LYPLA1: variants seen among roughly 807,000 people sequenced by gnomAD.
The protein encoded by LYPLA1 is lysophospholipase 1.
In LYPLA1, 17 loss-of-function variants were observed where a neutral mutation model predicts 34.0. The observed-to-expected ratio is 0.50, with a 90% confidence interval of 0.34 to 0.75. The LOEUF is 0.75. Among genes scored for constraint, LYPLA1 ranks in the 30% least tolerant of loss-of-function variants. The probability of loss-of-function intolerance (pLI) is 0.01; values close to 1 mark genes in which losing one functional copy is unlikely to be tolerated. For missense variants in LYPLA1, 203 were observed against 288.8 expected, an observed-to-expected ratio of 0.70 and a Z score of 2.15; for synonymous variants, 98 against 100.8, an observed-to-expected ratio of 0.97 and a Z score of 0.17.
intron 2 of LYPLA1, among the ~76,000 whole-genome samples, chr8:54,068,330 G>A (rs1324044528): frequency 6.6e-6 from 1 of 152,064 alleles, no homozygotes; most frequent in Non-Finnish European, 1.5e-5. Flanking sequence ...ATCTTTAACA[G>A]AATACCACCT....
intron 2 of LYPLA1, among the ~76,000 whole-genome samples, chr8:54,097,532 CATAAT>C (rs1322826359): frequency 6.6e-6 from 1 of 152,182 alleles, no homozygotes; most frequent in African/African-American, 2.4e-5. Context: ...AGGTTGAATG[CATAAT>C]ATATTAGATA....
chr8:54,056,206 T>C (rs1312050349), intron 5 of LYPLA1, among the ~76,000 whole-genome samples: 1 of 152,104 alleles, frequency 6.6e-6, no homozygotes, highest in African/African-American at 2.4e-5. Flanking sequence ...GAAAAGACAG[T>C]CTCTTCAATA....
chr8:54,084,509 A>G (rs1389434442), intron 2 of LYPLA1, among the ~76,000 whole-genome samples: 2 of 151,172 alleles, frequency 1.3e-5, no homozygotes, highest in Non-Finnish European at 3.0e-5. Context: ...AGGCGGAGGT[A>G]GCAGTGAGTT....
intron 4 of LYPLA1, among the ~76,000 whole-genome samples, chr8:54,062,948 A>G (rs1022464330): frequency 2.0e-5 from 3 of 152,202 alleles, no homozygotes; most frequent in Admixed American, 1.3e-4. Flanking sequence ...GAATGTGAGG[A>G]TATCTTCAGA....
chr8:54,101,590 G>A (rs943482718), intron 1 of LYPLA1, 165 bp downstream of exon 1: 8 of 1,148,150 alleles, frequency 7.0e-6, no homozygotes, highest in Non-Finnish European at 8.6e-6. Context: ...GGCTGCCCCC[G>A]CCCCCCGCGG....
intron 4 of LYPLA1, among the ~76,000 whole-genome samples, chr8:54,062,569 T>C (rs1280139178): frequency 6.6e-6 from 1 of 152,120 alleles, no homozygotes; most frequent in East Asian, 1.9e-4. Flanking sequence ...TGAAGTGCAG[T>C]GGCATGATCT....
At chr8:54,079,325 G>A (rs769328419) in intron 2 of LYPLA1, among the ~76,000 whole-genome samples, 2 of 152,072 alleles carry the variant, frequency 1.3e-5, no homozygotes. Context: ...TAAACTTAAC[G>A]TGCATAGTTA....
intron 1 of LYPLA1, 80 bp downstream of exon 1, chr8:54,101,675 G>T (rs1020205385): frequency 2.6e-5 from 31 of 1,185,306 alleles, no homozygotes; most frequent in South Asian, 3.8e-5. Flanking sequence ...CCACGCGCCC[G>T]CAACGCCCAC....
intron 2 of LYPLA1, among the ~76,000 whole-genome samples, chr8:54,067,007 A>G (rs2129336787): frequency 6.6e-6 from 1 of 151,912 alleles, no homozygotes; most frequent in East Asian, 1.9e-4. Flanking sequence ...TGTCTCTACT[A>G]AAAATACAAA....
At chr8:54,059,299 G>GTTATTTTTTTT (rs1806430318) in intron 5 of LYPLA1, among the ~76,000 whole-genome samples, 1 of 112,744 alleles carries the variant, frequency 8.9e-6, no homozygotes, top group African/African-American at 4.9e-5. Flanking sequence ...TATTTTCCCT[G>GTTATTTTTTTT]TTTTTTTTTT....
intron 2 of LYPLA1, among the ~76,000 whole-genome samples, chr8:54,097,992 G>A (rs1222051560): frequency 6.6e-6 from 1 of 152,188 alleles, no homozygotes; most frequent in East Asian, 1.9e-4. Flanking sequence ...GGAGGCCAAG[G>A]CGGGCAGATC....
rs372419997 is a variant in LYPLA1, at chr8:54,092,611, C to T, written c.101+8297G>A. 3.9e-5 allele frequency among the ~76,000 whole-genome samples: 6 copies of T among 152,260 alleles called. No homozygotes were observed. The South Asian group carries it at 1.2e-3, about 32-fold the overall frequency. On this transcript the variant is annotated intron_variant, in intron 2 of 8. Transcript: ENST00000316963. ...ACAGGTTATAAAACTCTGACTCCAACCATATTAATATAAAAAGGATGGCCA... is the reference window on the plus strand; with the variant it reads ...ACAGGTTATAAAACTCTGACTCCAATCATATTAATATAAAAAGGATGGCCA...
chr8:54,099,476 G>C (rs199643929), intron 2 of LYPLA1, among the ~76,000 whole-genome samples: 3 of 152,064 alleles, frequency 2.0e-5, no homozygotes, highest in Admixed American at 6.5e-5. Context: ...TCAGGAGTTC[G>C]AGACCAGCGT....
Position 54,065,760 on chromosome 8 carries a change from A to G in LYPLA1, c.155T>C (p.Ile52Thr). ...AGIRSSHIKYICPHAPVRPVT... is the reference protein window; with the variant it reads ...AGIRSSHIKYTCPHAPVRPVT... ...CAGAAATACTCACGCATGCGGGCAG[A>G]TATATTTGATATGTGAACTTCTGAT... The change falls in exon 3 of 9, where the codon ATC becomes ACC. Residue 52 changes from isoleucine to threonine, a missense_variant. Ile to Thr is a moderately conservative substitution (Grantham distance 89, BLOSUM62 -1). Transcript: ENST00000316963. The G allele has an allele frequency of 6.2e-7, 1 of 1,613,796 alleles. No homozygotes were observed. Among genetic ancestry groups the G allele is most frequent in the Non-Finnish European group, 8.5e-7 (1 of 1,179,798 alleles).
At chr8:54,073,852 A>C (rs1441755049) in intron 2 of LYPLA1, among the ~76,000 whole-genome samples, 1 of 152,202 alleles carries the variant, frequency 6.6e-6, no homozygotes, top group African/African-American at 2.4e-5. Context: ...AATTCTACCA[A>C]AGTCTTCTTA....
At chr8:54,088,534 G>A (rs1432797907) in intron 2 of LYPLA1, among the ~76,000 whole-genome samples, 1 of 152,198 alleles carries the variant, frequency 6.6e-6, no homozygotes, top group Non-Finnish European at 1.5e-5. Context: ...AAAAAGTGCA[G>A]CTACTATGAA....
At chr8:54,082,427 T>A (rs1440075168) in intron 2 of LYPLA1, among the ~76,000 whole-genome samples, 1 of 152,194 alleles carries the variant, frequency 6.6e-6, no homozygotes, top group East Asian at 1.9e-4. Context: ...AAAGAAACAA[T>A]CATTAACAGC....
At chr8:54,067,128 C>A (rs1363030417) in intron 2 of LYPLA1, among the ~76,000 whole-genome samples, 1 of 152,090 alleles carries the variant, frequency 6.6e-6, no homozygotes, top group Non-Finnish European at 1.5e-5. Flanking sequence ...AAGACTAGAC[C>A]ACTGCACCCC....
chr8:54,100,250 G>A (rs1262622102), intron 2 of LYPLA1: 2 of 152,308 alleles, frequency 1.3e-5, no homozygotes, highest in Admixed American at 1.3e-4. Flanking sequence ...TTGAGAGGCT[G>A]AGGCTGAAGG....
Sources: allele counts gnomAD v4.1 joint callset (sites outside exome capture counted in the v4.1 genomes callset), GRCh38; gene constraint gnomAD v4.1.1; transcripts MANE v1.5; gene names NCBI Gene and HGNC (gene_info 2026-07-23, HGNC 2026-07-21).